Variants in LRRC7 observed in about 807,000 individuals in gnomAD.
LRRC7 encodes leucine rich repeat containing 7, also known as leucine-rich repeat-containing protein 7.
Under a neutral mutation model 175.7 loss-of-function variants are expected in LRRC7, and 23 were observed. The ratio of observed to expected loss-of-function variants is 0.13; its 90% CI spans 0.09 to 0.19. The LOEUF is 0.19. Among genes scored for constraint, LRRC7 ranks in the 10% least tolerant of loss-of-function variants. LRRC7 has a pLI of 1.00. For synonymous variants in LRRC7, 685 were observed against 680.9 expected (o/e 1.01, Z -0.09); for missense variants, 1,354 against 1,904.7 (o/e 0.71, Z 5.38).
chr1:69,576,581 A>G (rs993436169), intron 1 of LRRC7, among the ~76,000 whole-genome samples: 1 of 152,244 alleles, frequency 6.6e-6, no homozygotes, highest in African/African-American at 2.4e-5. Context: ...CAAGATATCT[A>G]CATACATACA....
At chr1:69,677,889 A>C (rs1237279859) in intron 1 of LRRC7, among the ~76,000 whole-genome samples, 1 of 152,052 alleles carries the variant, frequency 6.6e-6, no homozygotes, top group African/African-American at 2.4e-5. Context: ...GCAGGCCTTC[A>C]CTGTGGCTTG....
At chr1:70,086,713 T>A (rs1197324327) in intron 24 of LRRC7, among the ~76,000 whole-genome samples, 1 of 152,096 alleles carries the variant, frequency 6.6e-6, no homozygotes, top group African/African-American at 2.4e-5. Context: ...CACTCCAGCC[T>A]GAGAAACAGC....
At chr1:69,945,189 G>C (rs190703827) in intron 8 of LRRC7, among the ~76,000 whole-genome samples, 1 of 152,026 alleles carries the variant, frequency 6.6e-6, no homozygotes, top group Non-Finnish European at 1.5e-5. Context: ...TTTGCATATG[G>C]GGTGGAATAA....
rs531444311 is a variant in LRRC7 at position 70,084,364 on chromosome 1, T to G, written c.4453-5363T>G. Reference sequence around the variant, plus strand: ...GACAACCACTCATCTACTTTCTGTCTCTATATATTTGCCTATTCTGGACAA... The same window carrying G: ...GACAACCACTCATCTACTTTCTGTCGCTATATATTTGCCTATTCTGGACAA... On this transcript the variant is annotated intron_variant, in intron 24 of 26. Transcript: ENST00000651989. 1.1e-3 allele frequency among the ~76,000 whole-genome samples: 173 copies of G among 152,320 alleles called. 2 individuals carry two copies. Among genetic ancestry groups the G allele is most frequent in the African/African-American group, 4.0e-3 (168 of 41,582 alleles).
chr1:69,669,511 G>A (rs902840293), intron 1 of LRRC7, among the ~76,000 whole-genome samples: 1 of 152,016 alleles, frequency 6.6e-6, no homozygotes. Flanking sequence ...CTTTATCCTT[G>A]ACCTTTGGGA....
intron 8 of LRRC7, among the ~76,000 whole-genome samples, chr1:69,946,285 T>C (rs1363365689): frequency 6.6e-6 from 1 of 152,202 alleles, no homozygotes; most frequent in Non-Finnish European, 1.5e-5. Context: ...AATATTGATT[T>C]GCACATGTTG....
intron 1 of LRRC7, among the ~76,000 whole-genome samples, chr1:69,592,848 G>T (rs1186177493): frequency 6.6e-6 from 1 of 152,078 alleles, no homozygotes; most frequent in Non-Finnish European, 1.5e-5. Context: ...GGTTGGGGAA[G>T]ATGAGTAATT....
chr1:70,032,496 T>C (rs968220666), intron 18 of LRRC7, among the ~76,000 whole-genome samples: 22 of 152,216 alleles, frequency 1.4e-4, no homozygotes, highest in African/African-American at 5.3e-4. Context: ...AATAATTCCC[T>C]CTTCTTTTTC....
At position 69,618,061 on chromosome 1, in the gene LRRC7, G is replaced by A. The variant is rs567922495; in HGVS notation, c.2+49420G>A. Among the ~76,000 whole-genome samples, 3 of 152,226 alleles carry A rather than the reference G, an allele frequency of 2.0e-5. No individual in the cohort carries two copies. In the South Asian group the frequency reaches 6.2e-4, roughly 32 times the overall value. On this transcript the variant is annotated intron_variant, in intron 1 of 26. Coordinates refer to ENST00000651989, the MANE Select transcript of LRRC7 (RefSeq NM_001370785.2). ...AAATGGGAAGATCCCTACTACGGTG[G>A]TGGTGGTTTAAGGGAGTGGTGTCCC...
chr1:70,061,478 T>C (rs1661571872), intron 23 of LRRC7, among the ~76,000 whole-genome samples: 1 of 152,096 alleles, frequency 6.6e-6, no homozygotes, highest in Non-Finnish European at 1.5e-5. Context: ...AAAAGTAGCT[T>C]CAAGAGACAG....
At chr1:69,703,422 C>T (rs1458654441) in intron 2 of LRRC7, among the ~76,000 whole-genome samples, 1 of 151,600 alleles carries the variant, frequency 6.6e-6, no homozygotes, top group Non-Finnish European at 1.5e-5. Context: ...TTTCCTAGAA[C>T]TAATTTACTC....
chr1:70,084,369 A>G (rs957301457), intron 24 of LRRC7, among the ~76,000 whole-genome samples: 2 of 152,170 alleles, frequency 1.3e-5, no homozygotes, highest in Non-Finnish European at 2.9e-5. Flanking sequence ...CTGTCTCTAT[A>G]TATTTGCCTA....
chr1:69,624,579 A>G (rs1297731422), intron 1 of LRRC7, among the ~76,000 whole-genome samples: 1 of 152,044 alleles, frequency 6.6e-6, no homozygotes, highest in Non-Finnish European at 1.5e-5. Flanking sequence ...AGAAATATTT[A>G]GATATCCAAA....
At chr1:70,024,159 G>A (rs1657827682) in intron 17 of LRRC7, among the ~76,000 whole-genome samples, 1 of 151,836 alleles carries the variant, frequency 6.6e-6, no homozygotes, top group Non-Finnish European at 1.5e-5. Flanking sequence ...TCTTTTCTTT[G>A]TATAACATTC....
At chr1:69,597,974 G>T (rs1269994939) in intron 1 of LRRC7, among the ~76,000 whole-genome samples, 1 of 152,154 alleles carries the variant, frequency 6.6e-6, no homozygotes, top group Non-Finnish European at 1.5e-5. Flanking sequence ...ATAATCGCTA[G>T]AGAATATTCT....
At chr1:69,717,806 G>A (rs1257515253) in intron 2 of LRRC7, among the ~76,000 whole-genome samples, 2 of 21,714 alleles carry the variant, frequency 9.2e-5, no homozygotes, top group Non-Finnish European at 1.6e-4. Flanking sequence ...AAGAAAGAAA[G>A]AAAGAAAGAA....
At chr1:69,744,715 T>C (rs1669073014) in intron 2 of LRRC7, among the ~76,000 whole-genome samples, 1 of 151,824 alleles carries the variant, frequency 6.6e-6, no homozygotes, top group African/African-American at 2.4e-5. Context: ...AGTGCAAAAT[T>C]TCAAGCCCAC....
rs1372576811 is a variant in LRRC7, at chr1:70,141,820, T to TATA, written c.*19934_*19936dup. The TATA allele has an allele frequency of 1.3e-5, 2 of 152,156 alleles. No homozygotes were observed. The highest frequency in any genetic ancestry group is 1.3e-4 in the Admixed American group (2 of 15,252). The allele number at this position is 152,156 out of a possible 1,614,324, so 9.4% of individuals were successfully genotyped here. A position where few individuals can be genotyped will look rare whatever the true frequency, so the allele number is the denominator to read the frequency against. On this transcript the variant is annotated 3_prime_UTR_variant, in exon 27 of 27. Transcript: ENST00000651989. ...TGGTGACTCAGGTTTTGTGTCTATG[T>TATA]ATAGGCACACATAAATAGGAGGTGT...
intron 24 of LRRC7, among the ~76,000 whole-genome samples, chr1:70,088,716 A>C (rs1232630086): frequency 6.6e-6 from 1 of 152,072 alleles, no homozygotes; most frequent in Admixed American, 6.6e-5. Context: ...GCCCACATAC[A>C]CATCTCCTGC....
Sources: gnomAD v4.1 joint callset for allele counts (sites outside exome capture counted in the v4.1 genomes callset) on GRCh38, gnomAD v4.1.1 for gene constraint, MANE v1.5 for transcripts, NCBI Gene and HGNC (gene_info 2026-07-23, HGNC 2026-07-21) for gene names.